The following DCAF4 variants were observed in gnomAD, a reference collection of about 807,000 sequenced individuals.
DCAF4 encodes the protein DDB1 and CUL4 associated factor 4, also known as DDB1- and CUL4-associated factor 4.
Under a neutral mutation model 60.9 loss-of-function variants are expected in DCAF4, and 37 were observed. The observed-to-expected ratio is 0.61, with a 90% confidence interval of 0.47 to 0.80. DCAF4 has a LOEUF of 0.80. DCAF4 is among the 30% of genes least tolerant of loss of function. The pLI is 0.00. For missense variants in DCAF4, 577 were observed against 650.0 expected, an observed-to-expected ratio of 0.89 and a Z score of 1.22; for synonymous variants, 243 against 254.8, an observed-to-expected ratio of 0.95 and a Z score of 0.44.
intron 8 of DCAF4, among the ~76,000 whole-genome samples, chr14:72,948,180 T>C (rs1006893907): frequency 4.0e-5 from 6 of 151,770 alleles, no homozygotes; most frequent in Non-Finnish European, 8.8e-5. Context: ...TTCAAAGGAG[T>C]TTTTTTGGAT....
intron 13 of DCAF4, chr14:72,956,923 T>C (rs1284696895): frequency 1.4e-5 from 3 of 218,468 alleles, no homozygotes; most frequent in Non-Finnish European, 2.7e-5. Flanking sequence ...GTAAAGATTC[T>C]TGGCCCCGGC....
chr14:72,943,297 G>A (rs914299539), intron 6 of DCAF4, among the ~76,000 whole-genome samples: 2 of 152,148 alleles, frequency 1.3e-5, no homozygotes, highest in African/African-American at 2.4e-5. Context: ...GCTGTGGGGC[G>A]ACCATCATCA....
At chr14:72,927,208 C>T (rs886194446) in intron 1 of DCAF4, among the ~76,000 whole-genome samples, 9 of 152,190 alleles carry the variant, frequency 5.9e-5, no homozygotes, top group African/African-American at 2.2e-4. Context: ...TGGTGTTCTA[C>T]AGGCATTGTC....
chr14:72,945,947 G>C lies in DCAF4; in HGVS notation c.598G>C (p.Gly200Arg). 1 of 1,614,102 alleles carries C rather than the reference G, an allele frequency of 6.2e-7. No individual in the cohort carries two copies. Among genetic ancestry groups the C allele is most frequent in the Non-Finnish European group, 8.5e-7 (1 of 1,180,018 alleles). The stretch of plus-strand genomic sequence containing the variant: ...TGTTAAAGTTGGAGGCTCCAAGTAT[G>C]GTATCATCAACCTGCAAAGTCTGAA... ...NDVKVGGSKY[G>R]IINLQSLKTP... The change falls in exon 7 of 14, where the codon GGT (glycine) becomes CGT (arginine). Residue 200 changes from glycine (G) to arginine (R), a missense_variant. Coordinates refer to ENST00000358377, the MANE Select transcript of DCAF4 (RefSeq NM_015604.4).
intron 9 of DCAF4, among the ~76,000 whole-genome samples, chr14:72,953,415 T>A (rs1232572933): frequency 6.6e-6 from 1 of 151,776 alleles, no homozygotes; most frequent in Non-Finnish European, 1.5e-5. Context: ...AAGTTTATTT[T>A]AAAAAATATT....
chr14:72,930,942 G>T (rs955088553), intron 1 of DCAF4, among the ~76,000 whole-genome samples: 1 of 152,034 alleles, frequency 6.6e-6, no homozygotes, highest in Non-Finnish European at 1.5e-5. Flanking sequence ...TTTATTTCTG[G>T]TCTCAATGCT....
chr14:72,934,310 T>C (rs983202730), intron 1 of DCAF4, among the ~76,000 whole-genome samples: 2 of 152,072 alleles, frequency 1.3e-5, no homozygotes, highest in African/African-American at 4.8e-5. Flanking sequence ...CCCACTACCA[T>C]GCCTGGCTAA....
chr14:72,962,017 T>G, downstream of DCAF4: 1 of 1,088,648 alleles, frequency 9.2e-7, no homozygotes, highest in South Asian at 3.3e-5. Flanking sequence ...CTTCCCTTCA[T>G]AGCCCTCAAC....
intron 1 of DCAF4, chr14:72,929,675 C>G (rs879763941): frequency 1.5e-6 from 2 of 1,349,346 alleles, no homozygotes; most frequent in Non-Finnish European, 2.1e-6. Context: ...CCTCCCGCTT[C>G]CTCTTGGCAC....
intron 1 of DCAF4, among the ~76,000 whole-genome samples, chr14:72,934,688 G>A (rs976981609): frequency 2.0e-5 from 3 of 152,160 alleles, no homozygotes; most frequent in African/African-American, 7.2e-5. Flanking sequence ...ACCACACCTG[G>A]AGAGACCTGG....
At chr14:72,929,071 G>A (rs1183173069) in intron 1 of DCAF4, among the ~76,000 whole-genome samples, 2 of 152,184 alleles carry the variant, frequency 1.3e-5, no homozygotes, top group Admixed American at 6.5e-5. Flanking sequence ...CACTGCGGGC[G>A]GCACGGACGC....
rs560368908 is a variant in DCAF4, at chr14:72,945,688, A to T, written c.535-196A>T. 2.2e-4 allele frequency among the ~76,000 whole-genome samples: 33 copies of T among 152,298 alleles called. No individual in the cohort carries two copies. The South Asian group carries it at 6.4e-3, about 30-fold the overall frequency. On this transcript the variant is annotated intron_variant, in intron 6 of 13. Coordinates refer to ENST00000358377, the MANE Select transcript of DCAF4 (RefSeq NM_015604.4). ...TTCCTCTTGAATTGTTAGATCAGAC[A>T]CGTGCTGGCTTTGCCCAGACATGGC...
chr14:72,943,194 C>A, intron 6 of DCAF4, 98 bp downstream of exon 6: 1 of 1,076,312 alleles, frequency 9.3e-7, no homozygotes, highest in Non-Finnish European at 1.4e-6. Flanking sequence ...TCTGGAGAAG[C>A]CAACTGCAAT....
chr14:72,932,908 T>C (rs577329911), intron 1 of DCAF4, among the ~76,000 whole-genome samples: 11 of 152,072 alleles, frequency 7.2e-5, no homozygotes, highest in African/African-American at 2.4e-4. Flanking sequence ...TTCTTTTTTT[T>C]AATGTTGTTT....
chr14:72,942,705 CAG>C lies in DCAF4; in HGVS notation c.432-288_432-287del, dbSNP rs1430887252. 14 of 336,028 alleles carry C rather than the reference CAG, an allele frequency of 4.2e-5. No homozygotes were observed. In the East Asian group the frequency reaches 6.2e-4, roughly 15 times the overall value. 20.8% of individuals were successfully genotyped at this position (336,028 alleles called of 1,614,324 possible). A position where few individuals can be genotyped will look rare whatever the true frequency, so the allele number is the denominator to read the frequency against. On this transcript the variant is annotated intron_variant, in intron 5 of 13. Coordinates refer to ENST00000358377, the MANE Select transcript of DCAF4 (RefSeq NM_015604.4). ...TTCATCTCCCGCACTTTCGTCATCT[CAG>C]GGGAAGGAGCTGTACTGAATGATGC...
At chr14:72,939,361 T>C (rs1266451778) in intron 2 of DCAF4, among the ~76,000 whole-genome samples, 3 of 152,174 alleles carry the variant, frequency 2.0e-5, no homozygotes, top group African/African-American at 7.2e-5. Flanking sequence ...AGTTTCTCTG[T>C]CTGTAAGATT....
At chr14:72,955,460 G>C (rs1258415989) in intron 11 of DCAF4, 63 bp from the exon 12 acceptor site, 1 of 1,572,568 alleles carries the variant, frequency 6.4e-7, no homozygotes, top group Non-Finnish European at 8.7e-7. Context: ...AGGAGGACCT[G>C]CCCTGCCCAG....
rs773027183 is a variant in DCAF4 at position 72,958,835 on chromosome 14, G to A, written c.*30G>A. ...GCAGGGCACAGCCCAGAGCCATGTG[G>A]ATTTGACTTACGGGAGTAAAGCGTA... On this transcript the variant is annotated 3_prime_UTR_variant, in exon 14 of 14. Transcript: ENST00000358377. The A allele has an allele frequency of 1.3e-6, 2 of 1,519,158 alleles. No homozygotes were observed. The highest frequency in any genetic ancestry group is 1.3e-5 in the South Asian group (1 of 75,430). The allele number at this position is 1,519,158 out of a possible 1,614,324, so 94.1% of individuals were successfully genotyped here. A position where few individuals can be genotyped will look rare whatever the true frequency, so the allele number is the denominator to read the frequency against.
chr14:72,958,685 C>T lies in DCAF4; in HGVS notation c.1368C>T (p.Tyr456=), dbSNP rs1892607524. The T allele has an allele frequency of 6.2e-7, 1 of 1,614,232 alleles. No individual in the cohort carries two copies. Among genetic ancestry groups the T allele is most frequent in the Non-Finnish European group, 8.5e-7 (1 of 1,180,044 alleles). ...ARLLRTIPSP[Y]PASKADIPSV... is the part of the protein sequence containing the mutation. ...TACTGAGAACCATACCCTCCCCGTA[C>T]CCTGCCTCCAAGGCCGACATTCCCA... is the stretch of plus-strand genomic sequence containing the variant. The change falls in exon 14 of 14, where the codon TAC becomes TAT. Residue 456 remains tyrosine (Y), a synonymous_variant. Transcript: ENST00000358377.
Sources: gnomAD v4.1 joint callset for allele counts (sites outside exome capture counted in the v4.1 genomes callset) on GRCh38, gnomAD v4.1.1 for gene constraint, MANE v1.5 for transcripts, NCBI Gene and HGNC (gene_info 2026-07-23, HGNC 2026-07-21) for gene names.